STOX2: variants seen among roughly 807,000 people sequenced by gnomAD.
STOX2 encodes the protein storkhead-box protein 2.
Under a neutral mutation model 60.9 loss-of-function variants are expected in STOX2, and 28 were observed. The observed-to-expected ratio is 0.46, with a 90% CI of 0.34 to 0.63. The LOEUF is 0.63. Ranked by LOEUF, STOX2 falls within the 30% of genes least tolerant of loss-of-function variation. The probability of loss-of-function intolerance (pLI) is 0.01; values close to 1 mark genes in which losing one functional copy is unlikely to be tolerated. For synonymous variants in STOX2, 472 were observed against 463.9 expected, an observed-to-expected ratio of 1.02 and a Z score of -0.22; for missense variants, 1,024 against 1,187.7, an observed-to-expected ratio of 0.86 and a Z score of 2.03.
At chr4:183,970,510 A>G (rs1257476839) in intron 1 of STOX2, among the ~76,000 whole-genome samples, 1 of 152,164 alleles carries the variant, frequency 6.6e-6, no homozygotes. Flanking sequence ...CCCAGGCCAC[A>G]TCACTGCCCC....
rs1287229476 is a variant in STOX2, at chr4:183,860,131, T to A, written c.364+62076T>A. 2.0e-5 allele frequency among the ~76,000 whole-genome samples: 3 copies of A among 152,280 alleles called. No homozygotes were observed. The South Asian group carries it at 6.2e-4, about 32-fold the overall frequency. On this transcript the variant is annotated intron_variant, in intron 1 of 2. Transcript: ENST00000513034. ...TCTACCTATTTAGGATGTAGTTCAC[T>A]GTGAATTTTTAAATCAAAGAAAATA...
In STOX2 at chr4:183,929,061, G is replaced by A. The variant is rs183438495; in HGVS notation, c.166+22105G>A. Among the ~76,000 whole-genome samples, 28 of 152,254 alleles carry A rather than the reference G, an allele frequency of 1.8e-4. No homozygotes were observed. In the East Asian group the frequency reaches 2.7e-3, roughly 15 times the overall value. On this transcript the variant is annotated intron_variant, in intron 1 of 3. Transcript: ENST00000308497. ...CTCAGATGAGTATGTTTCACTTGCC[G>A]TCTTAATTTTAATACAAATAATCTT... is the stretch of plus-strand genomic sequence containing the variant.
chr4:183,851,775 A>T, intron 1 of STOX2, among the ~76,000 whole-genome samples: 1 of 117,226 alleles, frequency 8.5e-6, no homozygotes, highest in African/African-American at 3.9e-5. Flanking sequence ...GAGAGAAAGG[A>T]TGAGGGAAAG....
Position 183,917,442 on chromosome 4 carries a change from C to T in STOX2, c.166+10486C>T, listed in dbSNP as rs186459668. 1.1e-4 allele frequency among the ~76,000 whole-genome samples: 16 copies of T among 152,332 alleles called. No individual in the cohort carries two copies. The East Asian group carries it at 2.9e-3, about 28-fold the overall frequency. On this transcript the variant is annotated intron_variant, in intron 1 of 3. Transcript: ENST00000308497. Reference sequence around the variant, plus strand: ...AACAGTGTCTTCTGAATTCACCAAACGTCTAAGATAAAACTTCCATTTAGA... The same window carrying T: ...AACAGTGTCTTCTGAATTCACCAAATGTCTAAGATAAAACTTCCATTTAGA...
chr4:183,903,118 G>T (rs1442244155), upstream of STOX2, among the ~76,000 whole-genome samples: 1 of 152,172 alleles, frequency 6.6e-6, no homozygotes, highest in African/African-American at 2.4e-5. Flanking sequence ...AAATATCATT[G>T]CTTCTTTGAT....
rs764716333 is a variant in STOX2 at position 184,017,072 on chromosome 4, C to G, written c.2586-17C>G. On this transcript the variant is annotated splice_polypyrimidine_tract_variant and intron_variant, in intron 3 of 3. Transcript: ENST00000308497. ...ATGTTCCAAACAAAACAAAACAAAC[C>G]CTTTTTGCTCTTTTAGTACTCGGGA... The G allele has an allele frequency of 5.1e-6, 8 of 1,574,166 alleles. No individual in the cohort carries two copies. The highest frequency in any genetic ancestry group is 1.2e-5 in the South Asian group (1 of 85,090).
chr4:183,863,990 C>CAG (rs1389283802), intron 1 of STOX2, among the ~76,000 whole-genome samples: 1 of 152,142 alleles, frequency 6.6e-6, no homozygotes, highest in Non-Finnish European at 1.5e-5. Flanking sequence ...CTTCATTTTC[C>CAG]AGCTCCAGCT....
At chr4:183,919,082 T>C (rs1742016455) in intron 1 of STOX2, among the ~76,000 whole-genome samples, 1 of 152,242 alleles carries the variant, frequency 6.6e-6, no homozygotes, top group Non-Finnish European at 1.5e-5. Context: ...CTAATTGAAC[T>C]TGGAAAGCCT....
chr4:183,918,661 G>A (rs1742001544), intron 1 of STOX2, among the ~76,000 whole-genome samples: 2 of 152,198 alleles, frequency 1.3e-5, no homozygotes, highest in South Asian at 4.1e-4. Flanking sequence ...TTCCTCCTTC[G>A]GTGAGTTTAT....
At chr4:183,886,794 A>G (rs550484341) in intron 1 of STOX2, among the ~76,000 whole-genome samples, 1 of 152,330 alleles carries the variant, frequency 6.6e-6, no homozygotes, top group South Asian at 2.1e-4. Flanking sequence ...CAGAGCAAGC[A>G]GTCCTTAAAA....
intron 1 of STOX2, among the ~76,000 whole-genome samples, chr4:183,968,312 A>G (rs1743638109): frequency 6.6e-6 from 1 of 151,088 alleles, no homozygotes; most frequent in South Asian, 2.1e-4. Flanking sequence ...ATTAAAAAAG[A>G]AGACATTTAA....
Position 184,009,138 on chromosome 4 carries a change from T to TG in STOX2, c.320-20_320-19insG. On this transcript the variant is annotated intron_variant, in intron 2 of 3. Coordinates refer to ENST00000308497, the MANE Select transcript of STOX2 (RefSeq NM_020225.3). This position sits in a 1 kb window ranked among gnomAD's most constrained non-coding sequence, Gnocchi z 4.0. ...TTCTGTCTTCATTCTCACAAGTGGT[T>TG]TTTTTTTTTTTTTTTTCAGGTGTTC... 2 of 1,159,692 alleles carry TG rather than the reference T, an allele frequency of 1.7e-6. No individual in the cohort carries two copies. 71.8% of individuals were successfully genotyped at this position (1,159,692 alleles called of 1,614,324 possible).
intron 1 of STOX2, among the ~76,000 whole-genome samples, chr4:183,889,510 G>C (rs1006993496): frequency 3.3e-5 from 5 of 152,248 alleles, no homozygotes; most frequent in African/African-American, 1.2e-4. Context: ...TAAGCTGCCA[G>C]TGTGTGGTGT....
At chr4:183,873,494 G>A (rs376415650) in intron 1 of STOX2, among the ~76,000 whole-genome samples, 6 of 150,512 alleles carry the variant, frequency 4.0e-5, no homozygotes, top group African/African-American at 1.5e-4. Flanking sequence ...TTTGGGTGTT[G>A]CATTCTAGGT....
rs747446623 is a variant in STOX2, at chr4:184,010,067, G to A, written c.1229G>A (p.Gly410Asp). 1 of 1,612,732 alleles carries A rather than the reference G, an allele frequency of 6.2e-7. No homozygotes were observed. Among genetic ancestry groups the A allele is most frequent in the Admixed American group, 1.7e-5 (1 of 59,816 alleles). Residue 410 changes from glycine (G) to aspartate (D), a missense_variant, in exon 3 of 4, where the codon GGC (glycine) becomes GAC (aspartate). Gly to Asp is a moderately conservative substitution (Grantham distance 94). Transcript: ENST00000308497. The surrounding 1 kb of genome is among the most constrained non-coding windows in gnomAD (Gnocchi z 4.5). ...CDPLTRVPRE[G>D]CFIIEHKGDN... ...CCTCTTACCAGGGTGCCCAGGGAGGGCTGCTTCATCATTGAACACAAAGGA... is the reference window on the plus strand; with the variant it reads ...CCTCTTACCAGGGTGCCCAGGGAGGACTGCTTCATCATTGAACACAAAGGA...
chr4:183,959,748 T>C (rs1743358874), intron 1 of STOX2, among the ~76,000 whole-genome samples: 1 of 152,248 alleles, frequency 6.6e-6, no homozygotes, highest in Non-Finnish European at 1.5e-5. Flanking sequence ...TAAATATCTA[T>C]GCTGAATTGG....
At chr4:183,811,929 T>A (rs1049594684) in intron 1 of STOX2, among the ~76,000 whole-genome samples, 1 of 68,420 alleles carries the variant, frequency 1.5e-5, no homozygotes, top group African/African-American at 1.2e-4. Flanking sequence ...AAAGCCTGGA[T>A]TTTTTTTTTT....
intron 1 of STOX2, among the ~76,000 whole-genome samples, chr4:183,917,619 G>C (rs1317248202): frequency 6.6e-6 from 1 of 152,220 alleles, no homozygotes; most frequent in Admixed American, 6.5e-5. Flanking sequence ...ATGTAGACAA[G>C]GGGCAGATGT....
intron 1 of STOX2, among the ~76,000 whole-genome samples, chr4:183,973,741 A>T (rs1323106268): frequency 6.6e-6 from 1 of 152,236 alleles, no homozygotes; most frequent in Non-Finnish European, 1.5e-5. Flanking sequence ...CATGCCTCTG[A>T]TCTCAGCACT....
Sources: gnomAD v4.1 joint callset for allele counts (sites outside exome capture counted in the v4.1 genomes callset) on GRCh38, gnomAD v4.1.1 for gene constraint, Gnocchi (gnomAD v3.1) non-coding constraint, MANE v1.5 for transcripts, NCBI Gene and HGNC (gene_info 2026-07-23, HGNC 2026-07-21) for gene names.